Variants in ATP8B1 observed in about 807,000 individuals in gnomAD.
The protein encoded by ATP8B1 is phospholipid-transporting ATPase IC.
Under a neutral mutation model 149.9 loss-of-function variants are expected in ATP8B1, and 80 were observed. That is an observed-to-expected ratio of 0.53 (90% CI 0.45 to 0.64). The LOEUF is 0.64. ATP8B1 is among the 30% of genes least tolerant of loss of function. The pLI, the probability that ATP8B1 is intolerant of heterozygous loss-of-function variation, is 0.00. For synonymous variants in ATP8B1, 536 were observed against 562.8 expected (o/e 0.95, Z 0.67); for missense variants, 1,247 against 1,552.6 (o/e 0.80, Z 3.31).
At position 57,654,067 on chromosome 18, in the gene ATP8B1, G is replaced by C; in HGVS notation, c.2940C>G (p.Tyr980Ter). 4 of 1,613,654 alleles carry C rather than the reference G, an allele frequency of 2.5e-6. No homozygotes were observed. Among genetic ancestry groups the C allele is most frequent in the Non-Finnish European group, 3.4e-6 (4 of 1,179,706 alleles). ...TGTAGAGGGTGATGAACCAATCCTC[G>C]TATGCAGTCTGTGAGGGGATGACAG... is the stretch of plus-strand genomic sequence containing the variant. Reference protein sequence around the residue: ...FFNGYSAQTAYEDWFITLYNV... With the variant: ...FFNGYSAQTA Residue 980 changes from tyrosine (Y) to a stop codon, truncating the protein, a stop_gained, in exon 24 of 28, where the codon TAC (tyrosine) becomes TAG (stop). Transcript: ENST00000648908. LOFTEE classifies it high-confidence loss of function.
At chr18:57,785,805 C>T (rs1225397938) in intron 1 of ATP8B1, among the ~76,000 whole-genome samples, 6 of 152,184 alleles carry the variant, frequency 3.9e-5, no homozygotes, top group Non-Finnish European at 8.8e-5. Context: ...CGTACCTGGC[C>T]GTAAGTATCT....
At chr18:57,760,911 C>A (rs1302138721) in intron 1 of ATP8B1, among the ~76,000 whole-genome samples, 1 of 151,864 alleles carries the variant, frequency 6.6e-6, no homozygotes, top group Non-Finnish European at 1.5e-5. Flanking sequence ...ATCGCTTGAA[C>A]CCAGGAGGCA....
In ATP8B1 at chr18:57,652,626, C is replaced by T; in HGVS notation, c.3119G>A (p.Gly1040Glu). 6.2e-7 allele frequency: 1 copy of T among 1,614,170 alleles called. No individual in the cohort carries two copies. Among genetic ancestry groups the T allele is most frequent in the Non-Finnish European group, 8.5e-7 (1 of 1,180,028 alleles). The stretch of plus-strand genomic sequence containing the variant: ...GAAGAGGATCATCGATGTTAGGACC[C>T]CATGCAACAAGCTTACAAAGAATCT... ...YKRFFVSLLH[G>E]VLTSMILFFI... Residue 1040 changes from glycine (G) to glutamate (E), a missense_variant, in exon 25 of 28, where the codon GGG becomes GAG. Physicochemically the swap from Gly to Glu is moderately conservative, Grantham distance 98. Transcript: ENST00000648908.
chr18:57,680,613 A>C lies in ATP8B1; in HGVS notation c.1630+3423T>G, dbSNP rs534852573. On this transcript the variant is annotated intron_variant, in intron 15 of 27. Coordinates refer to ENST00000648908, the MANE Select transcript of ATP8B1 (RefSeq NM_001374385.1). ...AACAAAACAAAACAAAACAAAACAA[A>C]ACAAAAAAAAAACCACACACGCTCA... Among the ~76,000 whole-genome samples the C allele has an allele frequency of 1.9e-4, 29 of 150,706 alleles. 1 individual carries two copies. The East Asian group carries it at 4.1e-3, about 21-fold the overall frequency.
chr18:57,669,592 AAG>A, intron 17 of ATP8B1, 110 bp from the exon 18 acceptor site: 2 of 1,012,016 alleles, frequency 2.0e-6, no homozygotes, highest in Non-Finnish European at 2.9e-6. Context: ...AGAATTTAAA[AAG>A]AGATCATTAA....
chr18:57,769,018 A>G (rs544239933), intron 1 of ATP8B1, among the ~76,000 whole-genome samples: 4 of 152,296 alleles, frequency 2.6e-5, no homozygotes, highest in African/African-American at 9.6e-5. Flanking sequence ...GCAGCTTCCC[A>G]GTGAGTAAGG....
At chr18:57,661,501 G>GT in intron 21 of ATP8B1, 39 bp from the exon 22 acceptor site, 1 of 1,601,026 alleles carries the variant, frequency 6.2e-7, no homozygotes. Context: ...ATTCACTTTA[G>GT]TTTTACCCCA....
intron 18 of ATP8B1, 125 bp downstream of exon 18, chr18:57,669,193 G>T: frequency 1.0e-6 from 1 of 992,546 alleles, no homozygotes; most frequent in Non-Finnish European, 1.5e-6. Flanking sequence ...CTTCCATTGT[G>T]CCAGTGTCAA....
chr18:57,731,868 T>C (rs2079769301), intron 1 of ATP8B1, 36 bp from the exon 2 acceptor site: 1 of 1,603,822 alleles, frequency 6.2e-7, no homozygotes, highest in South Asian at 1.1e-5. Context: ...GAATTATGAC[T>C]CTTGCCCAGT....
At chr18:57,742,837 A>C (rs545449501) in intron 1 of ATP8B1, among the ~76,000 whole-genome samples, 9 of 152,046 alleles carry the variant, frequency 5.9e-5, no homozygotes, top group South Asian at 2.1e-4. Flanking sequence ...AAAAAAAAAA[A>C]AAACAAAACA....
At chr18:57,653,283 T>TTTTC (rs1555687741) in intron 24 of ATP8B1, among the ~76,000 whole-genome samples, 2 of 75,556 alleles carry the variant, frequency 2.6e-5, no homozygotes, top group African/African-American at 7.4e-5. Flanking sequence ...TTTTCTTTTC[T>TTTTC]TTTTTTTTTT....
In ATP8B1 at chr18:57,648,561, C is replaced by A. The variant is rs147060096; in HGVS notation, c.3683G>T (p.Arg1228Leu). Residue 1228 changes from arginine (R) to leucine (L), a missense_variant, in exon 28 of 28, where the codon CGC becomes CTC. By Grantham distance (102) the Arg-to-Leu change is moderately radical. This residue lies in a region of ATP8B1 where 164 missense variants were observed against 160.3 expected (regional missense o/e 1.02). Coordinates refer to ENST00000648908, the MANE Select transcript of ATP8B1 (RefSeq NM_001374385.1). Reference sequence around the variant, plus strand: ...GGCATCAAGCGGCGAGCGCTTCTTGCGGATGCTGCGCCCGGAGGAGATGAG... The same window carrying A: ...GGCATCAAGCGGCGAGCGCTTCTTGAGGATGCTGCGCCCGGAGGAGATGAG... ...ADLISSGRSIRKKRSPLDAIV... is the reference protein window; with the variant it reads ...ADLISSGRSILKKRSPLDAIV... The A allele has an allele frequency of 1.9e-6, 3 of 1,611,454 alleles. No individual in the cohort carries two copies. The highest frequency in any genetic ancestry group is 2.5e-6 in the Non-Finnish European group (3 of 1,179,944).
intron 1 of ATP8B1, among the ~76,000 whole-genome samples, chr18:57,760,779 A>G (rs886257116): frequency 6.6e-6 from 1 of 152,152 alleles, no homozygotes; most frequent in East Asian, 1.9e-4. Context: ...TCATGAGGTC[A>G]GGAGCTGGAG....
chr18:57,732,849 C>T (rs2079802540), intron 1 of ATP8B1, among the ~76,000 whole-genome samples: 1 of 152,234 alleles, frequency 6.6e-6, no homozygotes, highest in African/African-American at 2.4e-5. Flanking sequence ...AGGCCCGCGC[C>T]CGGCCGGAGT....
intron 10 of ATP8B1, 73 bp downstream of exon 10, chr18:57,695,098 G>A: frequency 1.5e-6 from 2 of 1,340,724 alleles, no homozygotes; most frequent in South Asian, 1.2e-5. Flanking sequence ...GATGGACAAA[G>A]GACAGAAAAG....
chr18:57,685,563 A>G (rs984992072), intron 13 of ATP8B1, among the ~76,000 whole-genome samples: 3 of 152,132 alleles, frequency 2.0e-5, no homozygotes, highest in African/African-American at 7.2e-5. Context: ...ATCTAGTATT[A>G]GCCTTAATAT....
chr18:57,742,864 A>T (rs941347334), intron 1 of ATP8B1, among the ~76,000 whole-genome samples: 2 of 151,524 alleles, frequency 1.3e-5, no homozygotes, highest in Non-Finnish European at 2.9e-5. Flanking sequence ...TTCTTGTTTC[A>T]TTCTGTACAA....
At chr18:57,787,938 C>T (rs1207037917) in intron 1 of ATP8B1, among the ~76,000 whole-genome samples, 5 of 152,128 alleles carry the variant, frequency 3.3e-5, no homozygotes, top group African/African-American at 7.2e-5. Context: ...GAGGCTGAGG[C>T]GGGAGGATCC....
chr18:57,648,621 G>A lies in ATP8B1; in HGVS notation c.3623C>T (p.Ala1208Val), dbSNP rs775623614. ...GCCCCGCTGGTGCGAGAAGGCGTAG[G>A]CCGAGCGCCGCGTTGACACGCCCCG... ...FRRGVSTRRSAYAFSHQRGYA... is the reference protein window; with the variant it reads ...FRRGVSTRRSVYAFSHQRGYA... The change falls in exon 28 of 28, where the codon GCC (alanine) becomes GTC (valine). Residue 1208 changes from alanine to valine, a missense_variant. Physicochemically the swap from Ala to Val is moderately conservative, Grantham distance 64 (BLOSUM62 0). Coordinates refer to ENST00000648908, the MANE Select transcript of ATP8B1 (RefSeq NM_001374385.1). 1.2e-6 allele frequency: 2 copies of A among 1,607,374 alleles called. No individual in the cohort carries two copies. The highest frequency in any genetic ancestry group is 1.7e-6 in the Non-Finnish European group (2 of 1,178,036).
Sources: allele counts gnomAD v4.1 joint callset (sites outside exome capture counted in the v4.1 genomes callset), GRCh38; gene constraint gnomAD v4.1.1; regional missense constraint gnomAD v4.1.1; transcripts MANE v1.5; gene names NCBI Gene and HGNC (gene_info 2026-07-23, HGNC 2026-07-21).